The following SF3B1 variants were observed in gnomAD, a reference collection of about 807,000 sequenced individuals.
The protein encoded by SF3B1 is splicing factor 3b subunit 1, also known as pre-mRNA processing 10.
A neutral mutation model predicts 153.8 loss-of-function variants in SF3B1; 12 were observed. The observed-to-expected ratio is 0.08, with a 90% CI of 0.05 to 0.13. SF3B1 has a LOEUF of 0.13. SF3B1 is among the 10% of genes least tolerant of loss of function. The pLI is 1.00. For synonymous variants in SF3B1, 498 were observed against 525.2 expected, an observed-to-expected ratio of 0.95 and a Z score of 0.71; for missense variants, 513 against 1,606.1, an observed-to-expected ratio of 0.32 and a Z score of 11.63.
intron 23 of SF3B1, among the ~76,000 whole-genome samples, chr2:197,393,958 T>G (rs963773262): frequency 6.6e-6 from 1 of 152,084 alleles, no homozygotes; most frequent in South Asian, 2.1e-4. Flanking sequence ...CCGAGGCAGA[T>G]GGATCACCTG....
chr2:197,432,963 G>A (rs2085464946), intron 1 of SF3B1, among the ~76,000 whole-genome samples: 1 of 152,234 alleles, frequency 6.6e-6, no homozygotes, highest in African/African-American at 2.4e-5. Context: ...GAGCTAAGGA[G>A]AAGAGAAAAT....
At position 197,405,072 on chromosome 2, in the gene SF3B1, T is replaced by C; in HGVS notation, c.1539+4A>G. On this transcript the variant is annotated splice_donor_region_variant and intron_variant, in intron 11 of 24. Transcript: ENST00000335508. ...ACATGACAATTTAACAAACTGGGAC[T>C]TACCTTTCTCATTGGTGGTGTTCCA... The C allele has an allele frequency of 6.4e-7, 1 of 1,556,794 alleles. No homozygotes were observed. The highest frequency in any genetic ancestry group is 8.8e-7 in the Non-Finnish European group (1 of 1,139,988).
intron 9 of SF3B1, among the ~76,000 whole-genome samples, chr2:197,406,191 C>T (rs920397199): frequency 2.7e-5 from 4 of 149,754 alleles, no homozygotes; most frequent in Admixed American, 6.6e-5. Context: ...AACGCTTGAG[C>T]CCAGGAGTTT....
Position 197,391,969 on chromosome 2 carries a change from A to G in SF3B1, c.*334T>C. On this transcript the variant is annotated 3_prime_UTR_variant, in exon 25 of 25. Transcript: ENST00000335508. ...TACAAGTCATGTTCAAAAAACACAC[A>G]CAAATTAGCATTTTGTACACAAATG... is the stretch of plus-strand genomic sequence containing the variant. The G allele has an allele frequency of 4.8e-6, 1 of 209,880 alleles. No homozygotes were observed. Among genetic ancestry groups the G allele is most frequent in the Non-Finnish European group, 9.7e-6 (1 of 103,520 alleles). The allele number at this position is 209,880 out of a possible 1,614,324, so 13.0% of individuals were successfully genotyped here.
At chr2:197,416,246 CTA>C (rs941167540) in intron 6 of SF3B1, among the ~76,000 whole-genome samples, 4 of 152,050 alleles carry the variant, frequency 2.6e-5, no homozygotes, top group African/African-American at 9.7e-5. Flanking sequence ...AGGAAGACCA[CTA>C]TATCATACTC....
chr2:197,404,794 G>T (rs2084972164), intron 11 of SF3B1: 1 of 222,800 alleles, frequency 4.5e-6, no homozygotes. Context: ...GAGAGTAAAG[G>T]AAAGACCACA....
Position 197,429,057 on chromosome 2 carries a change from A to G in SF3B1, c.29-5083T>C, listed in dbSNP as rs149914621. 4.4e-3 allele frequency among the ~76,000 whole-genome samples: 666 copies of G among 152,310 alleles called. 3 individuals are homozygous for G. The highest frequency in any genetic ancestry group is 0.015 in the African/African-American group (639 of 41,580). The stretch of plus-strand genomic sequence containing the variant: ...AGTAACCAGAGGTCAAAAACAATGA[A>G]GACTTGAGGCAAAGAAACGTCTATG... On this transcript the variant is annotated intron_variant, in intron 1 of 24. Transcript: ENST00000335508.
chr2:197,431,880 C>T lies in SF3B1; in HGVS notation c.28+3092G>A, dbSNP rs149334979. Reference sequence around the variant, plus strand: ...GTGGCTCACACCTGTAATCCTAGCACGGTGGGAGGCCAAGGCAGGACTGCT... The same window carrying T: ...GTGGCTCACACCTGTAATCCTAGCATGGTGGGAGGCCAAGGCAGGACTGCT... On this transcript the variant is annotated intron_variant, in intron 1 of 24. Coordinates refer to ENST00000335508, the MANE Select transcript of SF3B1 (RefSeq NM_012433.4). Among the ~76,000 whole-genome samples the T allele has an allele frequency of 2.6e-3, 399 of 152,112 alleles. 1 individual carries two copies. The highest frequency in any genetic ancestry group is 4.2e-3 in the Non-Finnish European group (285 of 67,992).
At chr2:197,399,822 C>T (rs1285640798) in intron 20 of SF3B1, among the ~76,000 whole-genome samples, 4 of 152,084 alleles carry the variant, frequency 2.6e-5, no homozygotes, top group Non-Finnish European at 4.4e-5. Flanking sequence ...GTGACTACTC[C>T]CACCTCTCAT....
chr2:197,394,915 T>C (rs1171687843), intron 23 of SF3B1, among the ~76,000 whole-genome samples: 1 of 151,188 alleles, frequency 6.6e-6, no homozygotes, highest in Non-Finnish European at 1.5e-5. Context: ...AAAAAAAAAA[T>C]GAGTTTCCAC....
intron 1 of SF3B1, among the ~76,000 whole-genome samples, chr2:197,431,682 C>G (rs1351641030): frequency 6.6e-6 from 1 of 152,110 alleles, no homozygotes; most frequent in Admixed American, 6.6e-5. Context: ...AAAGACATCA[C>G]AGAAAAACAG....
Position 197,393,293 on chromosome 2 carries a change from A to G in SF3B1, c.3540-105T>C, listed in dbSNP as rs1274298424. On this transcript the variant is annotated intron_variant, in intron 23 of 24. Transcript: ENST00000335508. Reference sequence around the variant, plus strand: ...TTTTACAGGAAATATTCACCGGCCCATTAGAAACTAAATTACTAATTCAGT... The same window carrying G: ...TTTTACAGGAAATATTCACCGGCCCGTTAGAAACTAAATTACTAATTCAGT... 5 of 728,890 alleles carry G rather than the reference A, an allele frequency of 6.9e-6. No individual in the cohort carries two copies. In the African/African-American group the frequency reaches 8.8e-5, roughly 13 times the overall value. The allele number at this position is 728,890 out of a possible 1,614,324, so 45.2% of individuals were successfully genotyped here.
At chr2:197,392,561 T>C (rs2084821454) in intron 24 of SF3B1, 100 bp from the exon 25 acceptor site, 1 of 110,812 alleles carries the variant, frequency 9.0e-6, no homozygotes. Context: ...ATTATTTCCC[T>C]TGGGGAGTTG....
chr2:197,424,558 C>T (rs2085301950), intron 1 of SF3B1, among the ~76,000 whole-genome samples: 1 of 151,494 alleles, frequency 6.6e-6, no homozygotes, highest in Non-Finnish European at 1.5e-5. Flanking sequence ...CTTAAAATGT[C>T]CCCAGTTGCC....
At position 197,400,008 on chromosome 2, in the gene SF3B1, G is replaced by T; in HGVS notation, c.3013+47C>A. 2 of 1,261,952 alleles carry T rather than the reference G, an allele frequency of 1.6e-6. No homozygotes were observed. Among genetic ancestry groups the T allele is most frequent in the Non-Finnish European group, 2.2e-6 (2 of 891,158 alleles). 78.2% of individuals were successfully genotyped at this position (1,261,952 alleles called of 1,614,324 possible). A position where few individuals can be genotyped will look rare whatever the true frequency, so the allele number is the denominator to read the frequency against. On this transcript the variant is annotated intron_variant, in intron 20 of 24. Transcript: ENST00000335508. This position sits in a 1 kb window ranked among gnomAD's most constrained non-coding sequence, Gnocchi z 5.0. The stretch of plus-strand genomic sequence containing the variant: ...TTACTTACGAAAAAAAAAAGAAAAA[G>T]AAAGTTAAAACAAGAAAAAGTCTTA...
intron 12 of SF3B1, among the ~76,000 whole-genome samples, chr2:197,403,362 A>T (rs1010375753): frequency 4.3e-4 from 65 of 152,346 alleles, no homozygotes; most frequent in African/African-American, 1.5e-3. Context: ...TCTCATCCTA[A>T]TCTAATTTTA....
chr2:197,395,741 T>C (rs2084868366), intron 23 of SF3B1, among the ~76,000 whole-genome samples: 1 of 152,332 alleles, frequency 6.6e-6, no homozygotes, highest in African/African-American at 2.4e-5. Context: ...CTGCTCATCA[T>C]GTCCTCTAAC....
intron 7 of SF3B1, among the ~76,000 whole-genome samples, chr2:197,409,519 T>C (rs1574535955): frequency 1.3e-5 from 2 of 152,096 alleles, no homozygotes; most frequent in African/African-American, 4.8e-5. Flanking sequence ...CAAGACCCTA[T>C]CTCTAAAGAA....
chr2:197,429,881 G>C (rs962578717), intron 1 of SF3B1, among the ~76,000 whole-genome samples: 12 of 152,094 alleles, frequency 7.9e-5, no homozygotes, highest in Non-Finnish European at 1.8e-4. Flanking sequence ...ATAATTTTCT[G>C]GGTGCTTCCA....
Sources: gnomAD v4.1 joint callset for allele counts (sites outside exome capture counted in the v4.1 genomes callset) on GRCh38, gnomAD v4.1.1 for gene constraint, Gnocchi (gnomAD v3.1) non-coding constraint, MANE v1.5 for transcripts, NCBI Gene and HGNC (gene_info 2026-07-23, HGNC 2026-07-21) for gene names.